RIPOR2: variants seen among roughly 807,000 people sequenced by gnomAD.
RIPOR2 encodes the protein RHO family interacting cell polarization regulator 2.
In RIPOR2, 39 loss-of-function variants were observed where a neutral mutation model predicts 114.5. That is an observed-to-expected ratio of 0.34 (90% CI 0.26 to 0.44). The LOEUF is 0.44. Ranked by LOEUF, RIPOR2 falls within the 20% of genes least tolerant of loss-of-function variation. The pLI, the probability that RIPOR2 is intolerant of heterozygous loss-of-function variation, is 1.00. For missense variants in RIPOR2, 1,007 were observed against 1,255.1 expected, an observed-to-expected ratio of 0.80 and a Z score of 2.99; for synonymous variants, 445 against 484.4, an observed-to-expected ratio of 0.92 and a Z score of 1.07.
At chr6:24,994,583 AAAG>A (rs981188839) in intron 1 of RIPOR2, among the ~76,000 whole-genome samples, 6 of 152,336 alleles carry the variant, frequency 3.9e-5, no homozygotes, top group Non-Finnish European at 7.4e-5. Context: ...GTAGAAGAGC[AAAG>A]AAGAAGGGAC....
chr6:25,010,595 G>C (rs905794434), intron 1 of RIPOR2, among the ~76,000 whole-genome samples: 4 of 152,148 alleles, frequency 2.6e-5, no homozygotes, highest in African/African-American at 9.7e-5. Flanking sequence ...TTGTTAGATG[G>C]CATTTTTTGA....
At chr6:24,992,373 T>C (rs1774861254) in intron 1 of RIPOR2, among the ~76,000 whole-genome samples, 1 of 152,190 alleles carries the variant, frequency 6.6e-6, no homozygotes, top group African/African-American at 2.4e-5. Flanking sequence ...TTCAGCAAAG[T>C]TGCAGGATAC....
chr6:24,913,575 G>T (rs1032535939), intron 1 of RIPOR2, among the ~76,000 whole-genome samples: 3 of 152,070 alleles, frequency 2.0e-5, no homozygotes, highest in African/African-American at 7.2e-5. Flanking sequence ...TGGATTGCCT[G>T]GTCCAAATCC....
chr6:25,002,639 T>G (rs1260829211), intron 1 of RIPOR2, among the ~76,000 whole-genome samples: 1 of 152,162 alleles, frequency 6.6e-6, no homozygotes, highest in African/African-American at 2.4e-5. Flanking sequence ...CAACCAGGTG[T>G]TTTAGATATA....
chr6:24,973,376 G>T (rs141954532), intron 1 of RIPOR2, among the ~76,000 whole-genome samples: 3,514 of 152,228 alleles, frequency 0.023, 54 homozygotes, highest in East Asian at 0.088. Flanking sequence ...GCTGAGGCGG[G>T]TGGATCACAA....
chr6:24,865,379 G>T lies in RIPOR2; in HGVS notation c.573C>A (p.Ala191=), dbSNP rs1205837686. Residue 191 remains alanine (A), a synonymous_variant, in exon 7 of 22, where the codon GCC becomes GCA. Coordinates refer to ENST00000643898, the MANE Select transcript of RIPOR2 (RefSeq NM_001286445.3). ...CTTTGCTGGCAGGGGATGTTGCGAA[G>T]GCTTGCTTCATTTTGCTGGCACCAT... ...LQDGASKMKQ[A]FATSPASKAA... 2 of 1,613,624 alleles carry T rather than the reference G, an allele frequency of 1.2e-6. No individual in the cohort carries two copies. Among genetic ancestry groups the T allele is most frequent in the East Asian group, 4.5e-5 (2 of 44,878 alleles).
chr6:25,010,297 G>C (rs1470071568), intron 1 of RIPOR2, among the ~76,000 whole-genome samples: 5 of 152,042 alleles, frequency 3.3e-5, no homozygotes, highest in Non-Finnish European at 7.4e-5. Context: ...CTGGTTGTTA[G>C]AAAGAGCCTG....
chr6:24,915,941 CTCT>C (rs1412882771), intron 1 of RIPOR2, among the ~76,000 whole-genome samples: 1 of 152,196 alleles, frequency 6.6e-6, no homozygotes, highest in African/African-American at 2.4e-5. Flanking sequence ...TCAGCTCTGG[CTCT>C]TCTCACCCTG....
chr6:25,010,088 T>C (rs978540610), intron 1 of RIPOR2, among the ~76,000 whole-genome samples: 1 of 152,198 alleles, frequency 6.6e-6, no homozygotes, highest in African/African-American at 2.4e-5. Flanking sequence ...TAGTAGGTTA[T>C]GAGTTTAATT....
At chr6:24,950,503 A>G (rs2114199621) in intron 1 of RIPOR2, among the ~76,000 whole-genome samples, 1 of 152,304 alleles carries the variant, frequency 6.6e-6, no homozygotes, top group East Asian at 1.9e-4. Context: ...ACTTGGGAGT[A>G]TGTGTGGCTT....
chr6:25,026,892 G>A (rs1472126896), intron 1 of RIPOR2, among the ~76,000 whole-genome samples: 1 of 152,184 alleles, frequency 6.6e-6, no homozygotes, highest in Admixed American at 6.5e-5. Flanking sequence ...AGGCTGAGAA[G>A]AGGCCACTCT....
chr6:25,017,458 G>A (rs927243504), intron 1 of RIPOR2, among the ~76,000 whole-genome samples: 2 of 152,190 alleles, frequency 1.3e-5, no homozygotes, highest in Non-Finnish European at 2.9e-5. Flanking sequence ...CGCAGTTTAT[G>A]CACACATTTG....
chr6:24,839,304 C>T, intron 13 of RIPOR2, 32 bp from the exon 14 acceptor site: 1 of 1,528,892 alleles, frequency 6.5e-7, no homozygotes, highest in Non-Finnish European at 8.8e-7. Flanking sequence ...GGGAGAACAT[C>T]AACATATCCG....
Position 24,805,065 on chromosome 6 carries a change from A to G in RIPOR2, c.*1308T>C, listed in dbSNP as rs1357263027. ...CACGGTCATTTTTACAGAAGGAGGG[A>G]CCACTTTAAATGTTCCTCCACTCCT... On this transcript the variant is annotated 3_prime_UTR_variant, in exon 22 of 22. Transcript: ENST00000643898. 3 of 152,034 alleles carry G rather than the reference A, an allele frequency of 2.0e-5. No individual in the cohort carries two copies. Among genetic ancestry groups the G allele is most frequent in the African/African-American group, 7.2e-5 (3 of 41,398 alleles). The allele number at this position is 152,034 out of a possible 1,614,324, so 9.4% of individuals were successfully genotyped here. A position where few individuals can be genotyped will look rare whatever the true frequency, so the allele number is the denominator to read the frequency against.
chr6:24,995,253 G>C (rs1220262913), intron 1 of RIPOR2, among the ~76,000 whole-genome samples: 1 of 152,190 alleles, frequency 6.6e-6, no homozygotes, highest in Non-Finnish European at 1.5e-5. Context: ...GACTTTTCCT[G>C]GGGTGGATGT....
chr6:25,010,902 T>A (rs1477701947), intron 1 of RIPOR2, among the ~76,000 whole-genome samples: 1 of 152,216 alleles, frequency 6.6e-6, no homozygotes, highest in Non-Finnish European at 1.5e-5. Context: ...ATGATCCCCA[T>A]GCGTGCTACA....
chr6:24,993,492 C>T (rs1167697972), intron 1 of RIPOR2, among the ~76,000 whole-genome samples: 2 of 152,206 alleles, frequency 1.3e-5, no homozygotes, highest in African/African-American at 4.8e-5. Flanking sequence ...TGTGAGATGG[C>T]TCTCTTAAAG....
chr6:24,844,769 G>T (rs1047055604), intron 12 of RIPOR2, among the ~76,000 whole-genome samples: 1 of 152,090 alleles, frequency 6.6e-6, no homozygotes, highest in Admixed American at 6.6e-5. Flanking sequence ...GAGCCACCGC[G>T]CCTGGCCCAA....
intron 13 of RIPOR2, chr6:24,840,647 A>G: frequency 3.9e-6 from 6 of 1,532,646 alleles, no homozygotes; most frequent in Non-Finnish European, 4.4e-6. Flanking sequence ...TCTGACACTC[A>G]AGATGGCACA....
Sources: gnomAD v4.1 joint callset for allele counts (sites outside exome capture counted in the v4.1 genomes callset) on GRCh38, gnomAD v4.1.1 for gene constraint, MANE v1.5 for transcripts, NCBI Gene and HGNC (gene_info 2026-07-23, HGNC 2026-07-21) for gene names.